CACNA1C: variants seen among roughly 807,000 people sequenced by gnomAD.
The protein encoded by CACNA1C is calcium voltage-gated channel subunit alpha1 C, also known as voltage-dependent L-type calcium channel subunit alpha-1C.
CACNA1C carries 30 observed loss-of-function variants against 229.0 expected under a neutral mutation model. The ratio of observed to expected loss-of-function variants is 0.13; its 90% CI spans 0.10 to 0.18. The LOEUF is 0.18. Among genes scored for constraint, CACNA1C ranks in the 10% least tolerant of loss-of-function variants. The probability of loss-of-function intolerance (pLI) is 1.00; values close to 1 mark genes in which losing one functional copy is unlikely to be tolerated. For missense variants in CACNA1C, 1,658 were observed against 2,845.0 expected (o/e 0.58, Z 9.49); for synonymous variants, 1,114 against 1,132.5 (o/e 0.98, Z 0.33).
chr12:2,540,745 C>T lies in CACNA1C; in HGVS notation c.1391-9198C>T, dbSNP rs372377138. Among the ~76,000 whole-genome samples the T allele has an allele frequency of 1.3e-4, 20 of 152,236 alleles. No homozygotes were observed. In the East Asian group the frequency reaches 1.9e-3, roughly 15 times the overall value. On this transcript the variant is annotated intron_variant, in intron 9 of 46. Coordinates refer to ENST00000399655, the MANE Select transcript of CACNA1C (RefSeq NM_000719.7). ...GCACGGGAAAGACCAGAGGTTGGTACGGAGCCAGCACGTTGAAGGATGGTG... is the reference window on the plus strand; with the variant it reads ...GCACGGGAAAGACCAGAGGTTGGTATGGAGCCAGCACGTTGAAGGATGGTG...
chr12:2,441,892 A>T (rs2099231514), intron 3 of CACNA1C, among the ~76,000 whole-genome samples: 2 of 152,140 alleles, frequency 1.3e-5, no homozygotes, highest in Non-Finnish European at 2.9e-5. Flanking sequence ...GCTCTGGTTC[A>T]AGAGGGGATG....
At chr12:2,225,861 T>C (rs2062808252) in intron 3 of CACNA1C, among the ~76,000 whole-genome samples, 1 of 152,122 alleles carries the variant, frequency 6.6e-6, no homozygotes, top group South Asian at 2.1e-4. Context: ...ACCACATGGA[T>C]GAGGCCCCAG....
chr12:2,483,864 A>T (rs756288170), intron 5 of CACNA1C, among the ~76,000 whole-genome samples: 3 of 152,180 alleles, frequency 2.0e-5, no homozygotes, highest in Non-Finnish European at 4.4e-5. Flanking sequence ...GCAGGCCCTG[A>T]AACTCACCTG....
At chr12:2,255,706 C>A (rs1167555781) in intron 3 of CACNA1C, among the ~76,000 whole-genome samples, 3 of 152,014 alleles carry the variant, frequency 2.0e-5, no homozygotes, top group African/African-American at 7.3e-5. Context: ...GATGAGATTC[C>A]TCCTCATTGG....
In CACNA1C at chr12:2,056,196, AGTGTGTGTGTGTGTGTGTGTGT is replaced by A. The variant is rs138718348; in HGVS notation, c.49+2606_49+2627del. Among the ~76,000 whole-genome samples the A allele has an allele frequency of 1.2e-3, 175 of 146,128 alleles. 1 individual carries two copies. The Middle Eastern group carries it at 0.014, about 12-fold the overall frequency. ...GTGTGTGCATGTGTGAGTGTGTGTG[AGTGTGTGTGTGTGTGTGTGTGT>A]GTGTGTGTGTGTGTGTGTGTTGAGG... On this transcript the variant is annotated intron_variant, in intron 1 of 46. Transcript: ENST00000399655.
intron 2 of CACNA1C, among the ~76,000 whole-genome samples, chr12:2,115,904 G>A (rs956362119): frequency 7.0e-4 from 107 of 152,352 alleles, no homozygotes; most frequent in African/African-American, 2.5e-3. Flanking sequence ...CCACTCATGT[G>A]TTGGGGTAAC....
In CACNA1C at chr12:2,651,894, G is replaced by A. The variant is rs138429359; in HGVS notation, c.4074+126G>A. The A allele has an allele frequency of 4.5e-3, 3,330 of 744,246 alleles. 27 individuals carry two copies. Among genetic ancestry groups the A allele is most frequent in the Middle Eastern group, 0.014 (37 of 2,652 alleles). 46.1% of individuals were successfully genotyped at this position (744,246 alleles called of 1,614,324 possible). A position where few individuals can be genotyped will look rare whatever the true frequency, so the allele number is the denominator to read the frequency against. On this transcript the variant is annotated intron_variant, in intron 32 of 46. Coordinates refer to ENST00000399655, the MANE Select transcript of CACNA1C (RefSeq NM_000719.7). The surrounding 1 kb of genome is among the most constrained non-coding windows in gnomAD (Gnocchi z 5.4). Reference sequence around the variant, plus strand: ...CTCCTTCCTCTGTGTGGCAGAACTCGGCCGCTCTGCCTGGCTCCCTGTTTC... The same window carrying A: ...CTCCTTCCTCTGTGTGGCAGAACTCAGCCGCTCTGCCTGGCTCCCTGTTTC...
chr12:2,506,222 G>A (rs2099771567), intron 8 of CACNA1C, among the ~76,000 whole-genome samples: 1 of 152,176 alleles, frequency 6.6e-6, no homozygotes, highest in African/African-American at 2.4e-5. Flanking sequence ...AACAACGTAA[G>A]TCCCTGATTC....
intron 1 of CACNA1C, among the ~76,000 whole-genome samples, chr12:1,989,301 G>C (rs1323385728): frequency 6.6e-6 from 1 of 152,224 alleles, no homozygotes; most frequent in South Asian, 2.1e-4. Context: ...CAATGCCATG[G>C]CACTCCAGCC....
chr12:2,447,757 C>T lies in CACNA1C; in HGVS notation c.478-1219C>T, dbSNP rs560009178. Among the ~76,000 whole-genome samples the T allele has an allele frequency of 3.4e-3, 513 of 152,364 alleles. 3 individuals carry two copies. The highest frequency in any genetic ancestry group is 0.012 in the African/African-American group (485 of 41,594). On this transcript the variant is annotated intron_variant, in intron 3 of 46. Transcript: ENST00000399655. ...GGAGGAGGTGGGCCTTTGTGGGCAA[C>T]ATCCCTCCTCCAGAATGTGGGTGAG...
chr12:2,095,438 G>A (rs1404884685), intron 1 of CACNA1C, among the ~76,000 whole-genome samples: 8 of 152,234 alleles, frequency 5.3e-5, no homozygotes, highest in Non-Finnish European at 1.0e-4. Flanking sequence ...ATGAAAAATG[G>A]TAGTGCCATT....
intron 3 of CACNA1C, among the ~76,000 whole-genome samples, chr12:2,202,945 C>T (rs908182657): frequency 4.6e-5 from 7 of 152,264 alleles, no homozygotes; most frequent in African/African-American, 1.7e-4. Flanking sequence ...TGCTTTGCTT[C>T]TGGAAACCCA....
intron 3 of CACNA1C, among the ~76,000 whole-genome samples, chr12:2,433,411 G>A (rs544656047): frequency 6.6e-6 from 1 of 152,006 alleles, no homozygotes; most frequent in South Asian, 2.1e-4. Context: ...GCCCTGCAGT[G>A]CCCTGGACCC....
Position 2,486,057 on chromosome 12 carries a change from C to T in CACNA1C, c.758-47C>T, listed in dbSNP as rs199774925. The T allele has an allele frequency of 3.1e-4, 470 of 1,492,114 alleles. 1 individual carries two copies. The Middle Eastern group carries it at 5.5e-3, about 17-fold the overall frequency. The allele number at this position is 1,492,114 out of a possible 1,614,324, so 92.4% of individuals were successfully genotyped here. A position where few individuals can be genotyped will look rare whatever the true frequency, so the allele number is the denominator to read the frequency against. ...AAGATTGCATGAGATGGCGTCAGCACGGTACCGCGGTGATGCTTGGTTCAG... is the reference window on the plus strand; with the variant it reads ...AAGATTGCATGAGATGGCGTCAGCATGGTACCGCGGTGATGCTTGGTTCAG... On this transcript the variant is annotated intron_variant, in intron 5 of 46. Coordinates refer to ENST00000399655, the MANE Select transcript of CACNA1C (RefSeq NM_000719.7). The surrounding 1 kb of genome is among the most constrained non-coding windows in gnomAD (Gnocchi z 4.9).
At position 2,361,169 on chromosome 12, in the gene CACNA1C, T is replaced by TA. The variant is rs753333345; in HGVS notation, c.478-87794dup. On this transcript the variant is annotated intron_variant, in intron 3 of 46. Coordinates refer to ENST00000399655, the MANE Select transcript of CACNA1C (RefSeq NM_000719.7). Reference sequence around the variant, plus strand: ...TGAATTCCAGATTGCGGTGGTACTTTAAAAAAAAAAAAAGCTCCAATATCA... The same window carrying TA: ...TGAATTCCAGATTGCGGTGGTACTTTAAAAAAAAAAAAAAGCTCCAATATCA... Among the ~76,000 whole-genome samples, 1,415 of 142,654 alleles carry TA rather than the reference T, an allele frequency of 9.9e-3. 14 individuals are homozygous for TA. Among genetic ancestry groups the TA allele is most frequent in the African/African-American group, 0.031 (1,205 of 39,108 alleles). 93.6% of individuals were successfully genotyped at this position (142,654 alleles called of 152,430 possible).
chr12:2,072,017 T>G (rs1312775650), intron 1 of CACNA1C, among the ~76,000 whole-genome samples: 1 of 152,156 alleles, frequency 6.6e-6, no homozygotes, highest in Non-Finnish European at 1.5e-5. Context: ...AGATAATGGA[T>G]GTGGACATGC....
intron 1 of CACNA1C, among the ~76,000 whole-genome samples, chr12:2,018,045 G>A (rs1254546110): frequency 1.3e-5 from 2 of 152,194 alleles, no homozygotes; most frequent in Non-Finnish European, 2.9e-5. Context: ...CAGGCCACAG[G>A]CCAGAGGTTG....
chr12:2,532,660 T>C, intron 9 of CACNA1C, among the ~76,000 whole-genome samples: 1 of 152,160 alleles, frequency 6.6e-6, no homozygotes, highest in South Asian at 2.1e-4. Context: ...AGAGCCTTCC[T>C]GTGTTCCATC....
At chr12:2,353,314 C>A (rs949346933) in intron 3 of CACNA1C, among the ~76,000 whole-genome samples, 17 of 152,182 alleles carry the variant, frequency 1.1e-4, no homozygotes, top group Admixed American at 8.5e-4. Context: ...AGTGAGCCCC[C>A]CCTGGTGCTG....
Sources: allele counts gnomAD v4.1 joint callset (sites outside exome capture counted in the v4.1 genomes callset), GRCh38; gene constraint gnomAD v4.1.1; non-coding constraint Gnocchi (gnomAD v3.1); transcripts MANE v1.5; gene names NCBI Gene and HGNC (gene_info 2026-07-23, HGNC 2026-07-21).